Variants in ELAPOR2 observed in about 807,000 individuals in gnomAD.
The protein encoded by ELAPOR2 is endosome-lysosome associated apoptosis and autophagy regulator family member 2, also known as endosome/lysosome-associated apoptosis and autophagy regulator family member 2.
In ELAPOR2, 89 loss-of-function variants were observed where a neutral mutation model predicts 120.7. The observed-to-expected ratio is 0.74, with a 90% CI of 0.62 to 0.88. The LOEUF (loss-of-function observed/expected upper bound fraction) is 0.88. ELAPOR2 is among the 40% of genes least tolerant of loss of function. ELAPOR2 has a pLI of 0.00. For synonymous variants in ELAPOR2, 444 were observed against 444.9 expected (o/e 1.00, Z 0.03); for missense variants, 1,134 against 1,251.6 (o/e 0.91, Z 1.42).
At chr7:86,960,877 GA>G (rs200559321) in intron 2 of ELAPOR2, among the ~76,000 whole-genome samples, 2,099 of 149,902 alleles carry the variant, frequency 0.014, 53 homozygotes, top group African/African-American at 0.049. Context: ...ATAGATTTGA[GA>G]AAAAAAAAGT....
chr7:87,059,543 G>A lies in ELAPOR2; in HGVS notation c.-30C>T, dbSNP rs888130706. On this transcript the variant is annotated 5_prime_UTR_variant, in exon 1 of 22. Transcript: ENST00000450689. ...GTCCGGCCGCGGTCGGCGGGCCGGC[G>A]GCAAGGCAGCCTTCCCGGGGTGCGG... 1.5e-5 allele frequency: 17 copies of A among 1,169,870 alleles called. No individual in the cohort carries two copies. The African/African-American group carries it at 2.4e-4, about 17-fold the overall frequency. The allele number at this position is 1,169,870 out of a possible 1,614,324, so 72.5% of individuals were successfully genotyped here.
At chr7:86,923,991 C>T (rs891973817) in intron 10 of ELAPOR2, among the ~76,000 whole-genome samples, 35 of 152,074 alleles carry the variant, frequency 2.3e-4, no homozygotes, top group African/African-American at 8.2e-4. Flanking sequence ...GCAAAGCACA[C>T]TTGCTTTAAC....
chr7:86,884,587 C>T (rs2115751913), intron 21 of ELAPOR2, among the ~76,000 whole-genome samples: 1 of 152,182 alleles, frequency 6.6e-6, no homozygotes, highest in South Asian at 2.1e-4. Flanking sequence ...TACTCAGGGG[C>T]CCTGGAACCA....
At chr7:87,034,042 A>T (rs1223648960) in intron 1 of ELAPOR2, among the ~76,000 whole-genome samples, 1 of 152,196 alleles carries the variant, frequency 6.6e-6, no homozygotes, top group Non-Finnish European at 1.5e-5. Flanking sequence ...AAAATAGGGG[A>T]GTAAGTTCAT....
In ELAPOR2 at chr7:86,942,087, G is replaced by A. The variant is rs1442588140; in HGVS notation, c.672C>T (p.Cys224=). ...TGTCAGTGGTGGTGTCCATCTCCTG[G>A]CACTGATCATTTTGAATCTGTGGAT... ...FFEFFIQNDQ[C]QEMDTTTDKW... is the part of the protein sequence containing the mutation. Residue 224 remains cysteine, a synonymous_variant, in exon 5 of 22, where the codon TGC becomes TGT. Transcript: ENST00000450689. 1.0e-5 allele frequency: 16 copies of A among 1,546,506 alleles called. No individual in the cohort carries two copies. The Middle Eastern group carries it at 6.7e-4, about 64-fold the overall frequency.
At chr7:86,896,147 CTTA>C (rs770046114) in intron 19 of ELAPOR2, among the ~76,000 whole-genome samples, 1 of 151,960 alleles carries the variant, frequency 6.6e-6, no homozygotes, top group Non-Finnish European at 1.5e-5. Context: ...GTGTTGTCTG[CTTA>C]TTTTTTGTAT....
chr7:86,931,009 C>T (rs749886728), intron 8 of ELAPOR2, among the ~76,000 whole-genome samples: 6 of 151,824 alleles, frequency 4.0e-5, no homozygotes, highest in East Asian at 1.9e-4. Context: ...GCTACTATAA[C>T]GTAAAAACTG....
At chr7:86,928,016 T>G (rs1203735101) in intron 8 of ELAPOR2, among the ~76,000 whole-genome samples, 1 of 152,042 alleles carries the variant, frequency 6.6e-6, no homozygotes, top group African/African-American at 2.4e-5. Context: ...AATTTTATTC[T>G]CAAGTATTCT....
chr7:86,987,078 A>G (rs188878688), intron 1 of ELAPOR2, among the ~76,000 whole-genome samples: 1 of 151,990 alleles, frequency 6.6e-6, no homozygotes, highest in Non-Finnish European at 1.5e-5. Context: ...CAAACCTGAC[A>G]AAAACAAGAA....
At chr7:86,985,467 C>A (rs1395036079) in intron 1 of ELAPOR2, among the ~76,000 whole-genome samples, 1 of 152,156 alleles carries the variant, frequency 6.6e-6, no homozygotes. Context: ...CCGAATCCAG[C>A]AGCACATCAA....
chr7:87,027,123 A>G (rs949712458), intron 1 of ELAPOR2, among the ~76,000 whole-genome samples: 12 of 152,058 alleles, frequency 7.9e-5, no homozygotes, highest in Admixed American at 7.2e-4. Context: ...GACCAGGGAG[A>G]TGGTACATAT....
At chr7:87,043,936 A>G (rs941477597) in intron 1 of ELAPOR2, among the ~76,000 whole-genome samples, 1 of 151,812 alleles carries the variant, frequency 6.6e-6, no homozygotes, top group Non-Finnish European at 1.5e-5. Flanking sequence ...ATCAGTGTAC[A>G]AAAATCACAA....
intron 10 of ELAPOR2, among the ~76,000 whole-genome samples, chr7:86,925,263 T>C (rs1475752528): frequency 6.6e-6 from 1 of 151,942 alleles, no homozygotes. Flanking sequence ...TTCTGGCATT[T>C]ATACCCATAA....
chr7:86,986,877 C>T (rs972081250), intron 1 of ELAPOR2, among the ~76,000 whole-genome samples: 38 of 150,172 alleles, frequency 2.5e-4, no homozygotes, highest in African/African-American at 9.1e-4. Context: ...CAAAAAAGAG[C>T]CCACATTGCA....
At chr7:87,030,667 A>G (rs1261586889) in intron 1 of ELAPOR2, among the ~76,000 whole-genome samples, 2 of 152,174 alleles carry the variant, frequency 1.3e-5, no homozygotes, top group Non-Finnish European at 2.9e-5. Context: ...CTGAGTCTCA[A>G]ATCACAGTAG....
At chr7:87,048,629 G>A (rs928985345) in intron 1 of ELAPOR2, among the ~76,000 whole-genome samples, 7 of 152,208 alleles carry the variant, frequency 4.6e-5, no homozygotes, top group East Asian at 1.9e-4. Flanking sequence ...AACTGAAGGA[G>A]TGTAACTTAA....
At chr7:86,906,162 G>A (rs1460927791) in intron 18 of ELAPOR2, among the ~76,000 whole-genome samples, 1 of 152,098 alleles carries the variant, frequency 6.6e-6, no homozygotes, top group Non-Finnish European at 1.5e-5. Flanking sequence ...GTAGTAAATA[G>A]AATAAGCACC....
At chr7:86,914,989 G>T in intron 12 of ELAPOR2, 129 bp from the exon 13 acceptor site, 2 of 743,650 alleles carry the variant, frequency 2.7e-6, no homozygotes, top group Non-Finnish European at 4.0e-6. Context: ...TACAAACAGA[G>T]CATGTAATCC....
chr7:86,980,354 T>C (rs188319268), intron 1 of ELAPOR2, among the ~76,000 whole-genome samples: 6 of 152,314 alleles, frequency 3.9e-5, no homozygotes, highest in Admixed American at 3.9e-4. Context: ...TTACTAACCT[T>C]AGCAATTTAC....
Sources: gnomAD v4.1 joint callset for allele counts (sites outside exome capture counted in the v4.1 genomes callset) on GRCh38, gnomAD v4.1.1 for gene constraint, MANE v1.5 for transcripts, NCBI Gene and HGNC (gene_info 2026-07-23, HGNC 2026-07-21) for gene names.